EP400: variants seen among roughly 807,000 people sequenced by gnomAD.
EP400 encodes E1A binding protein p400.
Under a neutral mutation model 354.1 loss-of-function variants are expected in EP400, and 105 were observed. The ratio of observed to expected loss-of-function variants is 0.30; its 90% CI spans 0.25 to 0.35. EP400 has a LOEUF of 0.35. Ranked by LOEUF, EP400 falls within the 10% of genes least tolerant of loss-of-function variation. The probability of loss-of-function intolerance (pLI) is 1.00; values close to 1 mark genes in which losing one functional copy is unlikely to be tolerated. For missense variants in EP400, 3,280 were observed against 4,121.0 expected (o/e 0.80, Z 5.59); for synonymous variants, 1,646 against 1,716.9 (o/e 0.96, Z 1.02).
chr12:132,053,287 G>C, intron 42 of EP400, 56 bp from the exon 43 acceptor site: 2 of 1,607,814 alleles, frequency 1.2e-6, no homozygotes, highest in Middle Eastern at 1.7e-4. Context: ...TCATCCAGGG[G>C]GTATGCAGGC....
chr12:132,047,718 A>C (rs1895154415), intron 39 of EP400, among the ~76,000 whole-genome samples: 2 of 152,218 alleles, frequency 1.3e-5, no homozygotes, highest in Admixed American at 1.3e-4. Flanking sequence ...CATTGATAAC[A>C]TCTTATCAGG....
chr12:132,023,061 T>C (rs1273644238), intron 23 of EP400, among the ~76,000 whole-genome samples: 2 of 152,166 alleles, frequency 1.3e-5, no homozygotes, highest in African/African-American at 4.8e-5. Flanking sequence ...ACAGGTACTT[T>C]TCACATTTTT....
In EP400 at chr12:131,982,079, T is replaced by C. The variant is rs1892700514; in HGVS notation, c.1544-14T>C. On this transcript the variant is annotated splice_polypyrimidine_tract_variant and intron_variant, in intron 4 of 52. Transcript: ENST00000389561. ...TTGGGAATCAGTGCTTTTGGCACTT[T>C]TCTTATTTTGCAGGAGGAATGCCCC... The C allele has an allele frequency of 2.7e-6, 4 of 1,503,520 alleles. No homozygotes were observed. The highest frequency in any genetic ancestry group is 1.4e-5 in the African/African-American group (1 of 71,780). 93.1% of individuals were successfully genotyped at this position (1,503,520 alleles called of 1,614,324 possible).
chr12:132,024,266 A>C (rs1441988859), intron 24 of EP400, among the ~76,000 whole-genome samples: 1 of 152,186 alleles, frequency 6.6e-6, no homozygotes, highest in East Asian at 1.9e-4. Context: ...CAAGCTACTC[A>C]GGAGGCTGAG....
chr12:132,041,175 G>A (rs936259215), intron 32 of EP400, among the ~76,000 whole-genome samples: 9 of 152,246 alleles, frequency 5.9e-5, no homozygotes, highest in Admixed American at 2.0e-4. Context: ...CGTACCTGCC[G>A]CATGGGACTG....
At chr12:132,023,724 C>A in intron 23 of EP400, 53 bp from the exon 24 acceptor site, 1 of 1,596,518 alleles carries the variant, frequency 6.3e-7, no homozygotes, top group Non-Finnish European at 8.5e-7. Flanking sequence ...TATGACACTC[C>A]CAAATTTTTT....
chr12:132,011,213 C>G (rs1160653210), intron 15 of EP400, among the ~76,000 whole-genome samples: 1 of 152,152 alleles, frequency 6.6e-6, no homozygotes, highest in African/African-American at 2.4e-5. Context: ...TTTGAATGAA[C>G]ACTAGTGTCT....
chr12:132,042,703 A>T (rs779411141), intron 32 of EP400, among the ~76,000 whole-genome samples: 6 of 152,232 alleles, frequency 3.9e-5, no homozygotes, highest in Admixed American at 6.5e-5. Flanking sequence ...TTTTGCCCAC[A>T]TCTGCTAGTA....
Position 132,013,678 on chromosome 12 carries a change from T to C in EP400, c.3786+14T>C. On this transcript the variant is annotated intron_variant, in intron 18 of 52. Transcript: ENST00000389561. This position sits in a 1 kb window ranked among gnomAD's most constrained non-coding sequence, Gnocchi z 4.5. ...AGGTTACACAGGGTAGGTTGGGTTC[T>C]GCCATTTCAGTTAATTAATTAAACA... 4 of 1,605,408 alleles carry C rather than the reference T, an allele frequency of 2.5e-6. No homozygotes were observed. The highest frequency in any genetic ancestry group is 3.4e-6 in the Non-Finnish European group (4 of 1,174,664).
At position 132,025,051 on chromosome 12, in the gene EP400, C is replaced by CT. The variant is rs369027468; in HGVS notation, c.4856-584dup. Among the ~76,000 whole-genome samples the CT allele has an allele frequency of 2.2e-4, 33 of 147,524 alleles. No individual in the cohort carries two copies. Among genetic ancestry groups the CT allele is most frequent in the South Asian group, 4.3e-4 (2 of 4,612 alleles). ...GAAACGATTCAGTCTGGTTTACTTC[C>CT]TTTTTTTTTTTCTTAAAACAAAACA... On this transcript the variant is annotated intron_variant, in intron 24 of 52. Coordinates refer to ENST00000389561, the MANE Select transcript of EP400 (RefSeq NM_015409.5). The surrounding 1 kb of genome is among the most constrained non-coding windows in gnomAD (Gnocchi z 4.1).
At chr12:131,991,146 G>T (rs918630584) in intron 9 of EP400, among the ~76,000 whole-genome samples, 5 of 152,186 alleles carry the variant, frequency 3.3e-5, no homozygotes, top group African/African-American at 1.2e-4. Context: ...TGCCTCTGAG[G>T]ACACCCCCAG....
chr12:132,030,170 A>G lies in EP400; in HGVS notation c.5754+12A>G, dbSNP rs373265222. 8.6e-5 allele frequency: 139 copies of G among 1,613,762 alleles called. No homozygotes were observed. The African/African-American group carries it at 1.6e-3, about 19-fold the overall frequency. On this transcript the variant is annotated intron_variant, in intron 29 of 52. Transcript: ENST00000389561. ...GTGAGCAACGGCAGGTGAGAAGCACATTGTTTACATTGTCTCTGATGGGTC... is the reference window on the plus strand; with the variant it reads ...GTGAGCAACGGCAGGTGAGAAGCACGTTGTTTACATTGTCTCTGATGGGTC...
At chr12:131,976,572 C>G (rs1192656215) in intron 2 of EP400, among the ~76,000 whole-genome samples, 2 of 151,954 alleles carry the variant, frequency 1.3e-5, no homozygotes, top group Non-Finnish European at 2.9e-5. Context: ...ATTAGCCGGG[C>G]ATGGTGGCGC....
intron 2 of EP400, among the ~76,000 whole-genome samples, chr12:131,964,551 G>A (rs1296003617): frequency 1.3e-5 from 2 of 152,144 alleles, no homozygotes; most frequent in Non-Finnish European, 2.9e-5. Context: ...GGTTGTGAAA[G>A]CAGTTTCATC....
At position 131,994,968 on chromosome 12, in the gene EP400, C is replaced by G. The variant is rs756981103; in HGVS notation, c.2827+12C>G. On this transcript the variant is annotated intron_variant, in intron 12 of 52. Coordinates refer to ENST00000389561, the MANE Select transcript of EP400 (RefSeq NM_015409.5). This position sits in a 1 kb window ranked among gnomAD's most constrained non-coding sequence, Gnocchi z 4.6. The stretch of plus-strand genomic sequence containing the variant: ...TTTAGCCAAGGAAGGTAGGCTGTTG[C>G]TACCTTATTAAACATTCAGTAAGTA... The G allele has an allele frequency of 3.1e-6, 5 of 1,611,114 alleles. No individual in the cohort carries two copies. In the African/African-American group the frequency reaches 6.7e-5, roughly 22 times the overall value.
chr12:132,062,788 C>T (rs1895750183), intron 47 of EP400, 87 bp downstream of exon 47: 1 of 1,533,192 alleles, frequency 6.5e-7, no homozygotes, highest in Non-Finnish European at 8.9e-7. Flanking sequence ...TTGCATGGTG[C>T]AGTCCAGAGT....
chr12:132,072,173 G>A (rs1011673905), intron 51 of EP400, among the ~76,000 whole-genome samples: 1 of 152,146 alleles, frequency 6.6e-6, no homozygotes. Context: ...GTTGCCCAGG[G>A]TGGCCTCGAA....
chr12:132,003,224 C>T (rs1014507923), intron 12 of EP400, among the ~76,000 whole-genome samples: 4 of 149,316 alleles, frequency 2.7e-5, no homozygotes, highest in Non-Finnish European at 5.9e-5. Context: ...CCAAAAAAAC[C>T]CCCCAAACCA....
chr12:132,067,480 G>A lies in EP400; in HGVS notation c.8868G>A (p.Gln2956=), dbSNP rs958872958. The stretch of plus-strand genomic sequence containing the variant: ...CTGCACAGGGCCCGGCAGCCGTCCA[G>A]CAGAAGGTACCGGGGCTAGGGGATT... ...PQAAQGPAAV[Q]QKITAQQITT... Residue 2956 remains glutamine, a synonymous_variant, in exon 50 of 53, where the codon CAG becomes CAA. Transcript: ENST00000389561. This position sits in a 1 kb window ranked among gnomAD's most constrained non-coding sequence, Gnocchi z 5.3. The A allele has an allele frequency of 6.2e-7, 1 of 1,612,512 alleles. No individual in the cohort carries two copies. Among genetic ancestry groups the A allele is most frequent in the Non-Finnish European group, 8.5e-7 (1 of 1,179,974 alleles).
Sources: allele counts gnomAD v4.1 joint callset (sites outside exome capture counted in the v4.1 genomes callset), GRCh38; gene constraint gnomAD v4.1.1; non-coding constraint Gnocchi (gnomAD v3.1); transcripts MANE v1.5; gene names NCBI Gene and HGNC (gene_info 2026-07-23, HGNC 2026-07-21).